RPH3AL: variants seen among roughly 807,000 people sequenced by gnomAD.
The protein encoded by RPH3AL is rab effector Noc2.
RPH3AL carries 38 observed loss-of-function variants against 43.1 expected under a neutral mutation model. That is an observed-to-expected ratio of 0.88 (90% CI 0.68 to 1.15). The LOEUF (loss-of-function observed/expected upper bound fraction) is 1.15. Among genes scored for constraint, RPH3AL ranks in the 50% most tolerant of loss-of-function variants. The probability of loss-of-function intolerance (pLI) is 0.00; values close to 1 mark genes in which losing one functional copy is unlikely to be tolerated. For synonymous variants in RPH3AL, 189 were observed against 176.3 expected (o/e 1.07, Z -0.57); for missense variants, 462 against 423.2 (o/e 1.09, Z -0.81).
intron 5 of RPH3AL, among the ~76,000 whole-genome samples, chr17:295,420 G>A: frequency 8.7e-6 from 1 of 115,198 alleles, no homozygotes; most frequent in Non-Finnish European, 1.8e-5. Flanking sequence ...TGGACAGAGG[G>A]AATGCACATC....
intron 7 of RPH3AL, among the ~76,000 whole-genome samples, chr17:223,985 C>T (rs2041052018): frequency 6.6e-6 from 1 of 152,234 alleles, no homozygotes. Flanking sequence ...GAGCGGCCAG[C>T]ACACAGTAGG....
chr17:279,731 G>T (rs570971341), intron 6 of RPH3AL, among the ~76,000 whole-genome samples: 13 of 152,296 alleles, frequency 8.5e-5, no homozygotes, highest in Non-Finnish European at 1.6e-4. Context: ...TCTCCCCACA[G>T]ACGATGTTTT....
chr17:263,193 G>A (rs2042240985), intron 6 of RPH3AL, among the ~76,000 whole-genome samples: 1 of 152,154 alleles, frequency 6.6e-6, no homozygotes, highest in South Asian at 2.1e-4. Context: ...GGAAGAGGCG[G>A]CCTCCATATC....
intron 6 of RPH3AL, among the ~76,000 whole-genome samples, chr17:265,108 A>T (rs1339282940): frequency 1.3e-5 from 2 of 152,186 alleles, no homozygotes; most frequent in Non-Finnish European, 2.9e-5. Flanking sequence ...CTTCTTTGAG[A>T]CAGGGCCTTG....
At chr17:351,160 C>G (rs115583872) in intron 1 of RPH3AL, among the ~76,000 whole-genome samples, 4 of 152,174 alleles carry the variant, frequency 2.6e-5, no homozygotes, top group African/African-American at 9.7e-5. Context: ...AGGCTGCCCC[C>G]CAAGCCAGTA....
At position 247,127 on chromosome 17, in the gene RPH3AL, C is replaced by T. The variant is rs746366866; in HGVS notation, c.597G>A (p.Thr199=). The T allele has an allele frequency of 4.3e-6, 7 of 1,614,040 alleles. No individual in the cohort carries two copies. The highest frequency in any genetic ancestry group is 2.7e-5 in the African/African-American group (2 of 74,930). Residue 199 remains threonine, a synonymous_variant, in exon 7 of 10, where the codon ACG becomes ACA. Transcript: ENST00000331302. ...GGGACTTACCTCTTCCTCGGGCCCACGTGTAGATGCGGCTGGTCTCAGAGC... is the reference window on the plus strand; with the variant it reads ...GGGACTTACCTCTTCCTCGGGCCCATGTGTAGATGCGGCTGGTCTCAGAGC... ...PRSSETSRIY[T]WARGRVVSSD...
At position 345,662 on chromosome 17, in the gene RPH3AL, C is replaced by T. The variant is rs1477600875; in HGVS notation, c.-213+7050G>A. On this transcript the variant is annotated intron_variant, in intron 1 of 9. Transcript: ENST00000331302. ...TGCACGCACACCCTGCTGGGGCACG[C>T]GTGCTCCCCATCTGCGCGCACACCC... Among the ~76,000 whole-genome samples, 7 of 75,444 alleles carry T rather than the reference C, an allele frequency of 9.3e-5. 1 individual carries two copies. The South Asian group carries it at 1.5e-3, about 16-fold the overall frequency. 49.5% of individuals were successfully genotyped at this position (75,444 alleles called of 152,430 possible).
intron 7 of RPH3AL, among the ~76,000 whole-genome samples, chr17:229,923 C>T (rs2041192434): frequency 6.6e-6 from 1 of 152,172 alleles, no homozygotes. Context: ...GCCCCTCCCT[C>T]CCTCCCTCAG....
chr17:258,540 C>T (rs1420057454), intron 6 of RPH3AL, among the ~76,000 whole-genome samples: 1 of 152,146 alleles, frequency 6.6e-6, no homozygotes, highest in East Asian at 1.9e-4. Context: ...CAGGGTGCTC[C>T]CAGCCTCTCC....
rs1244537374 is a variant in RPH3AL at position 246,958 on chromosome 17, G to T, written c.613+153C>A. Among the ~76,000 whole-genome samples the T allele has an allele frequency of 1.3e-5, 2 of 152,202 alleles. No individual in the cohort carries two copies. The highest frequency in any genetic ancestry group is 2.9e-5 in the Non-Finnish European group (2 of 68,028). ...GTCCCCGCTGCTCACTCGGGAGAAG[G>T]TGTGGAGCTGAGGGCACAGGGAGGG... On this transcript the variant is annotated intron_variant, in intron 7 of 9. Transcript: ENST00000331302. This position sits in a 1 kb window ranked among gnomAD's most constrained non-coding sequence, Gnocchi z 4.8.
In RPH3AL at chr17:234,025, TA is replaced by T. The variant is rs2041299884; in HGVS notation, c.613+13085del. On this transcript the variant is annotated intron_variant, in intron 7 of 9. Coordinates refer to ENST00000331302, the MANE Select transcript of RPH3AL (RefSeq NM_006987.4). ...CTTCCCCGAGCAGGGAGCGGCTACTTACCCTGACCAACTTCCCCGAGCAGGG... is the reference window on the plus strand; with the variant it reads ...CTTCCCCGAGCAGGGAGCGGCTACTTCCCTGACCAACTTCCCCGAGCAGGG... Among the ~76,000 whole-genome samples the T allele has an allele frequency of 9.4e-5, 4 of 42,526 alleles. 1 individual carries two copies. The highest frequency in any genetic ancestry group is 2.2e-4 in the African/African-American group (2 of 9,206). 27.9% of individuals were successfully genotyped at this position (42,526 alleles called of 152,430 possible).
At chr17:313,370 C>G (rs532895271) in intron 5 of RPH3AL, among the ~76,000 whole-genome samples, 2 of 152,216 alleles carry the variant, frequency 1.3e-5, no homozygotes, top group Non-Finnish European at 2.9e-5. Context: ...CCTTGACTGG[C>G]GAGGCTGTGT....
At chr17:305,299 G>A (rs894437680) in intron 5 of RPH3AL, among the ~76,000 whole-genome samples, 10 of 151,900 alleles carry the variant, frequency 6.6e-5, no homozygotes, top group Non-Finnish European at 1.2e-4. Context: ...AGGCAACGTC[G>A]AGATGGCGCG....
At chr17:234,807 G>T (rs529813976) in intron 7 of RPH3AL, among the ~76,000 whole-genome samples, 1 of 152,348 alleles carries the variant, frequency 6.6e-6, no homozygotes, top group Middle Eastern at 3.4e-3. Flanking sequence ...GAGTGGGCTG[G>T]GGGTGAGGAG....
intron 6 of RPH3AL, among the ~76,000 whole-genome samples, chr17:278,022 A>G (rs1267344503): frequency 6.6e-6 from 1 of 152,158 alleles, no homozygotes; most frequent in South Asian, 2.1e-4. Flanking sequence ...AAGCACCAAC[A>G]TGGTCTGACC....
Position 283,890 on chromosome 17 carries a change from T to A in RPH3AL, c.352-2036A>T, listed in dbSNP as rs530011463. Among the ~76,000 whole-genome samples the A allele has an allele frequency of 3.9e-5, 6 of 152,250 alleles. 1 individual carries two copies. In the South Asian group the frequency reaches 1.0e-3, roughly 26 times the overall value. ...CCCACCTCTACAACAGGGTCCCCCATCAGCCTATGAGGTGGGCTCCAGAAC... is the reference window on the plus strand; with the variant it reads ...CCCACCTCTACAACAGGGTCCCCCAACAGCCTATGAGGTGGGCTCCAGAAC... On this transcript the variant is annotated intron_variant, in intron 5 of 9. Coordinates refer to ENST00000331302, the MANE Select transcript of RPH3AL (RefSeq NM_006987.4). This position sits in a 1 kb window ranked among gnomAD's most constrained non-coding sequence, Gnocchi z 4.2.
At position 260,153 on chromosome 17, in the gene RPH3AL, G is replaced by A. The variant is rs186200474; in HGVS notation, c.439-12868C>T. Among the ~76,000 whole-genome samples, 334 of 152,298 alleles carry A rather than the reference G, an allele frequency of 2.2e-3. 4 individuals carry two copies. Among genetic ancestry groups the A allele is most frequent in the African/African-American group, 7.4e-3 (306 of 41,550 alleles). ...AACCCCACGAGTCACAGCAGGGGACGGTCTGTGGCCTGTGCACCTGCTGTT... is the reference window on the plus strand; with the variant it reads ...AACCCCACGAGTCACAGCAGGGGACAGTCTGTGGCCTGTGCACCTGCTGTT... On this transcript the variant is annotated intron_variant, in intron 6 of 9. Transcript: ENST00000331302.
At chr17:269,070 G>A (rs939082718) in intron 6 of RPH3AL, among the ~76,000 whole-genome samples, 3 of 152,128 alleles carry the variant, frequency 2.0e-5, no homozygotes, top group Non-Finnish European at 4.4e-5. Context: ...AGTAGAGACG[G>A]GGTTTCACCG....
intron 5 of RPH3AL, among the ~76,000 whole-genome samples, chr17:311,510 A>G (rs952611712): frequency 6.6e-6 from 1 of 152,088 alleles, no homozygotes; most frequent in African/African-American, 2.4e-5. Context: ...CCCAGTCCCA[A>G]CCACAGTGCA....
Sources: allele counts gnomAD v4.1 joint callset (sites outside exome capture counted in the v4.1 genomes callset), GRCh38; gene constraint gnomAD v4.1.1; non-coding constraint Gnocchi (gnomAD v3.1); transcripts MANE v1.5; gene names NCBI Gene and HGNC (gene_info 2026-07-23, HGNC 2026-07-21).